VRTN: variants seen among roughly 807,000 people sequenced by gnomAD.
VRTN encodes vertebrae development associated.
In VRTN, 5 loss-of-function variants were observed where a neutral mutation model predicts 18.2. That is an observed-to-expected ratio of 0.27 (90% CI 0.14 to 0.58). VRTN has a LOEUF of 0.58. VRTN is among the 20% of genes least tolerant of loss of function. VRTN has a pLI of 0.91. For missense variants in VRTN, 741 were observed against 939.4 expected, an observed-to-expected ratio of 0.79 and a Z score of 2.76; for synonymous variants, 381 against 393.7, an observed-to-expected ratio of 0.97 and a Z score of 0.38.
At chr14:74,350,612 G>T (rs2085677136) in intron 1 of VRTN, among the ~76,000 whole-genome samples, 1 of 152,174 alleles carries the variant, frequency 6.6e-6, no homozygotes, top group Non-Finnish European at 1.5e-5. Context: ...TTGGATGATG[G>T]AATTATAGTG....
intron 1 of VRTN, among the ~76,000 whole-genome samples, chr14:74,307,525 A>G (rs2085361743): frequency 6.6e-6 from 1 of 152,126 alleles, no homozygotes; most frequent in Non-Finnish European, 1.5e-5. Flanking sequence ...AGCTTTCACA[A>G]TAAAAAAGAG....
At chr14:74,328,849 T>G (rs2085503375) in intron 1 of VRTN, among the ~76,000 whole-genome samples, 1 of 151,798 alleles carries the variant, frequency 6.6e-6, no homozygotes, top group Non-Finnish European at 1.5e-5. Flanking sequence ...AATACAAAAA[T>G]TGGGGCTGGG....
intron 1 of VRTN, among the ~76,000 whole-genome samples, chr14:74,310,463 C>T (rs993150403): frequency 7.3e-5 from 11 of 150,416 alleles, no homozygotes; most frequent in African/African-American, 9.8e-5. Flanking sequence ...ACCTCAGAGC[C>T]GGATTGCATG....
In VRTN at chr14:74,357,808, T is replaced by C. The variant is rs747982092; in HGVS notation, c.1025T>C (p.Ile342Thr). 2 of 1,613,092 alleles carry C rather than the reference T, an allele frequency of 1.2e-6. No individual in the cohort carries two copies. The highest frequency in any genetic ancestry group is 3.3e-5 in the Admixed American group (2 of 60,016). Residue 342 changes from isoleucine (I) to threonine (T), a missense_variant, in exon 2 of 2, where the codon ATC (isoleucine) becomes ACC (threonine). By Grantham distance (89) the Ile-to-Thr change is moderately conservative. Transcript: ENST00000256362. This position sits in a 1 kb window ranked among gnomAD's most constrained non-coding sequence, Gnocchi z 7.8. Reference protein sequence around the residue: ...LQQFLQRFPEISRSTYYAWKH... With the variant: ...LQQFLQRFPETSRSTYYAWKH... ...CAGTTCCTCCAGCGGTTCCCGGAGA[T>C]CTCCCGCTCAACCTACTATGCCTGG...
chr14:74,353,759 G>C (rs1288281100), intron 1 of VRTN, among the ~76,000 whole-genome samples: 1 of 151,392 alleles, frequency 6.6e-6, no homozygotes, highest in Non-Finnish European at 1.5e-5. Context: ...GTCTCACTCT[G>C]TCGTCCAGGC....
At position 74,357,700 on chromosome 14, in the gene VRTN, A is replaced by T. The variant is rs2085740864; in HGVS notation, c.917A>T (p.His306Leu). 3.7e-6 allele frequency: 6 copies of T among 1,613,592 alleles called. No homozygotes were observed. The highest frequency in any genetic ancestry group is 3.4e-6 in the Non-Finnish European group (4 of 1,179,996). The change falls in exon 2 of 2, where the codon CAC (histidine) becomes CTC (leucine). Residue 306 changes from histidine to leucine, a missense_variant. Transcript: ENST00000256362. This position sits in a 1 kb window ranked among gnomAD's most constrained non-coding sequence, Gnocchi z 7.8. The part of the protein sequence containing the change: ...FYRWRRQSQE[H>L]RQKVAARFSA... ...CGCTGGCGGCGGCAGTCCCAGGAGC[A>T]CCGGCAGAAGGTTGCTGCCCGCTTC...
chr14:74,348,231 C>A (rs553898094), upstream of VRTN, among the ~76,000 whole-genome samples: 1 of 152,228 alleles, frequency 6.6e-6, no homozygotes, highest in Non-Finnish European at 1.5e-5. Context: ...TCCCCTCCCC[C>A]CAAACTCTTT....
At chr14:74,351,491 C>A in intron 1 of VRTN, among the ~76,000 whole-genome samples, 1 of 135,220 alleles carries the variant, frequency 7.4e-6, no homozygotes. Context: ...ATTCTGATTA[C>A]CAGGTTTTTT....
At chr14:74,320,561 CTCTTTT>C (rs2085448806) in intron 1 of VRTN, among the ~76,000 whole-genome samples, 3 of 91,558 alleles carry the variant, frequency 3.3e-5, no homozygotes, top group African/African-American at 1.4e-4. Context: ...TGCGCCCGGC[CTCTTTT>C]TTTTTTTTTT....
intron 1 of VRTN, among the ~76,000 whole-genome samples, chr14:74,314,851 G>A (rs895072877): frequency 1.3e-5 from 2 of 152,220 alleles, no homozygotes; most frequent in Non-Finnish European, 2.9e-5. Context: ...GCCTGTTTGT[G>A]TGGTGTTCCT....
intron 1 of VRTN, among the ~76,000 whole-genome samples, chr14:74,324,031 G>C (rs527388845): frequency 2.0e-5 from 3 of 152,190 alleles, no homozygotes; most frequent in African/African-American, 7.2e-5. Context: ...ATGGTCCTGA[G>C]GATTGAGAGC....
intron 1 of VRTN, among the ~76,000 whole-genome samples, chr14:74,332,211 A>G (rs911727266): frequency 2.6e-5 from 4 of 151,912 alleles, no homozygotes; most frequent in East Asian, 1.9e-4. Context: ...CTCACTCCCA[A>G]TCCCAAAGCT....
At position 74,315,349 on chromosome 14, in the gene VRTN, T is replaced by G. The variant is rs1188582018; in HGVS notation, c.-164+12173T>G. Among the ~76,000 whole-genome samples, 3 of 152,212 alleles carry G rather than the reference T, an allele frequency of 2.0e-5. No individual in the cohort carries two copies. The East Asian group carries it at 5.8e-4, about 29-fold the overall frequency. On this transcript the variant is annotated intron_variant, in intron 1 of 2. Transcript: ENST00000557177. ...GTGCCTCAGCCTCCTGAGTAGTTGG[T>G]ATAACAAGCATGAGCCACCGCAACC...
intron 1 of VRTN, among the ~76,000 whole-genome samples, chr14:74,319,762 T>G (rs542273355): frequency 6.6e-6 from 1 of 152,258 alleles, no homozygotes; most frequent in Non-Finnish European, 1.5e-5. Flanking sequence ...GGGTTTTAAA[T>G]GAGTAGATTG....
chr14:74,357,140 C>A lies in VRTN; in HGVS notation c.357C>A (p.Tyr119Ter). 1 of 1,598,238 alleles carries A rather than the reference C, an allele frequency of 6.3e-7. No homozygotes were observed. Among genetic ancestry groups the A allele is most frequent in the Non-Finnish European group, 8.5e-7 (1 of 1,173,452 alleles). The change falls in exon 2 of 2, where the codon TAC becomes TAA. Residue 119 changes from tyrosine to a stop codon, truncating the protein, a stop_gained. Transcript: ENST00000256362. LOFTEE classifies it high-confidence loss of function. The surrounding 1 kb of genome is among the most constrained non-coding windows in gnomAD (Gnocchi z 7.8). ...VVEMLLHRHY[Y>*]LQGMIDSKVM... ...AGATGCTGCTGCACAGACACTACTA[C>A]CTCCAGGGCATGATCGACTCCAAAG...
chr14:74,358,263 C>A lies in VRTN; in HGVS notation c.1480C>A (p.Pro494Thr). Residue 494 changes from proline (P) to threonine (T), a missense_variant, in exon 2 of 2, where the codon CCC becomes ACC. By Grantham distance (38) the Pro-to-Thr change is conservative. Transcript: ENST00000256362. The surrounding 1 kb of genome is among the most constrained non-coding windows in gnomAD (Gnocchi z 5.4). ...GNATGEDPPA[P>T]GELLPLRMPL... ...TGCCACAGGTGAGGACCCTCCCGCC[C>A]CCGGGGAGCTCCTGCCACTAAGGAT... The A allele has an allele frequency of 6.2e-7, 1 of 1,610,922 alleles. No homozygotes were observed. Among genetic ancestry groups the A allele is most frequent in the Non-Finnish European group, 8.5e-7 (1 of 1,178,208 alleles).
intron 1 of VRTN, among the ~76,000 whole-genome samples, chr14:74,354,872 C>A (rs1302583678): frequency 6.6e-6 from 1 of 151,776 alleles, no homozygotes; most frequent in Non-Finnish European, 1.5e-5. Flanking sequence ...CTGGGCGTGA[C>A]GGCTCACACC....
At chr14:74,352,013 AT>A (rs1300129492) in intron 1 of VRTN, among the ~76,000 whole-genome samples, 11 of 140,974 alleles carry the variant, frequency 7.8e-5, no homozygotes, top group South Asian at 2.3e-4. Flanking sequence ...CCAGCTAATT[AT>A]TTTTTTTTTG....
chr14:74,325,415 A>G (rs1348383826), intron 1 of VRTN, among the ~76,000 whole-genome samples: 3 of 147,532 alleles, frequency 2.0e-5, no homozygotes, highest in Non-Finnish European at 4.4e-5. Flanking sequence ...TGTTCCACCA[A>G]TTATCAAACC....
Sources: allele counts gnomAD v4.1 joint callset (sites outside exome capture counted in the v4.1 genomes callset), GRCh38; gene constraint gnomAD v4.1.1; non-coding constraint Gnocchi (gnomAD v3.1); transcripts MANE v1.5; gene names NCBI Gene and HGNC (gene_info 2026-07-23, HGNC 2026-07-21).